TBKBP1: variants seen among roughly 807,000 people sequenced by gnomAD.
The protein encoded by TBKBP1 is TANK-binding kinase 1-binding protein 1.
A neutral mutation model predicts 69.9 loss-of-function variants in TBKBP1; 47 were observed. That is an observed-to-expected ratio of 0.67 (90% CI 0.53 to 0.86). The LOEUF (loss-of-function observed/expected upper bound fraction) is 0.86. Among genes scored for constraint, TBKBP1 ranks in the 40% least tolerant of loss-of-function variants. The pLI, the probability that TBKBP1 is intolerant of heterozygous loss-of-function variation, is 0.00. For synonymous variants in TBKBP1, 418 were observed against 390.3 expected, an observed-to-expected ratio of 1.07 and a Z score of -0.84; for missense variants, 831 against 858.6, an observed-to-expected ratio of 0.97 and a Z score of 0.40.
intron 4 of TBKBP1, 149 bp downstream of exon 4, chr17:47,697,342 A>C: frequency 1.4e-6 from 1 of 714,036 alleles, no homozygotes. Flanking sequence ...GCTTGTGTTC[A>C]TGTGTATCTG....
Position 47,708,288 on chromosome 17 carries a change from G to T in TBKBP1, c.873-106G>T. The T allele has an allele frequency of 1.7e-6, 2 of 1,196,918 alleles. No individual in the cohort carries two copies. Among genetic ancestry groups the T allele is most frequent in the East Asian group, 2.5e-5 (1 of 39,944 alleles). 74.1% of individuals were successfully genotyped at this position (1,196,918 alleles called of 1,614,324 possible). A position where few individuals can be genotyped will look rare whatever the true frequency, so the allele number is the denominator to read the frequency against. On this transcript the variant is annotated intron_variant, in intron 7 of 9. Transcript: ENST00000578982. The surrounding 1 kb of genome is among the most constrained non-coding windows in gnomAD (Gnocchi z 4.4). ...GGGTAGGAGGGCCCTGCGGGTGGGA[G>T]GGAGCATGGTGGGGCCAGATGCTGG...
intron 1 of TBKBP1, chr17:47,695,411 G>A (rs2031183497): frequency 6.6e-6 from 1 of 152,364 alleles, no homozygotes; most frequent in Non-Finnish European, 1.5e-5. Flanking sequence ...TTCCACCTGG[G>A]TCCCCTTCCC....
chr17:47,696,028 G>A, intron 1 of TBKBP1, 51 bp from the exon 2 acceptor site: 2 of 1,109,976 alleles, frequency 1.8e-6, no homozygotes, highest in Non-Finnish European at 2.5e-6. Flanking sequence ...GGGGTACCAG[G>A]GACAAACCCT....
At chr17:47,699,884 G>A (rs568534177) in intron 7 of TBKBP1, among the ~76,000 whole-genome samples, 187 bp downstream of exon 7, 2 of 150,640 alleles carry the variant, frequency 1.3e-5, no homozygotes, top group South Asian at 2.1e-4. Flanking sequence ...GTGCAATGGC[G>A]TGATCTTGGC....
rs1000889667 is a variant in TBKBP1, at chr17:47,711,932, C to G, written c.*1306C>G. The G allele has an allele frequency of 6.6e-6, 1 of 152,602 alleles. No homozygotes were observed. Among genetic ancestry groups the G allele is most frequent in the African/African-American group, 2.4e-5 (1 of 41,414 alleles). The allele number at this position is 152,602 out of a possible 1,614,324, so 9.5% of individuals were successfully genotyped here. A position where few individuals can be genotyped will look rare whatever the true frequency, so the allele number is the denominator to read the frequency against. On this transcript the variant is annotated 3_prime_UTR_variant, in exon 10 of 10. Coordinates refer to ENST00000578982, the MANE Select transcript of TBKBP1 (RefSeq NM_001394755.1). ...TCAGGCGGGGAAGGGGCCAAGGACA[C>G]GTCATTGTACCCTGAGCGTCCCCAG...
chr17:47,708,939 G>A lies in TBKBP1; in HGVS notation c.1206G>A (p.Val402=). 2.4e-6 allele frequency: 3 copies of A among 1,257,216 alleles called. No individual in the cohort carries two copies. Among genetic ancestry groups the A allele is most frequent in the South Asian group, 3.5e-5 (2 of 57,634 alleles). 77.9% of individuals were successfully genotyped at this position (1,257,216 alleles called of 1,614,324 possible). The change falls in exon 9 of 10, where the codon GTG becomes GTA. Residue 402 remains valine (V), a synonymous_variant. Coordinates refer to ENST00000578982, the MANE Select transcript of TBKBP1 (RefSeq NM_001394755.1). The surrounding 1 kb of genome is among the most constrained non-coding windows in gnomAD (Gnocchi z 4.4). ...PSPVPQRRSP[V]PPSCQSPSPQ... is the part of the protein sequence containing the mutation. ...CCGTCCCGCAGCGCCGCTCGCCGGT[G>A]CCGCCGTCGTGCCAGTCCCCCAGCC...
chr17:47,703,973 C>A (rs2031612701), intron 7 of TBKBP1, among the ~76,000 whole-genome samples: 3 of 152,160 alleles, frequency 2.0e-5, no homozygotes, highest in African/African-American at 7.2e-5. Context: ...GGTTCAGGTT[C>A]TTCTTCAGGT....
chr17:47,710,393 A>C, intron 9 of TBKBP1, 105 bp from the exon 10 acceptor site: 5 of 1,477,730 alleles, frequency 3.4e-6, no homozygotes, highest in Non-Finnish European at 4.6e-6. Flanking sequence ...CCCCTCCTGC[A>C]TGCCACAGCC....
At chr17:47,706,366 A>G (rs117552358) in intron 7 of TBKBP1, among the ~76,000 whole-genome samples, 6,820 of 152,272 alleles carry the variant, frequency 0.045, 224 homozygotes, top group Middle Eastern at 0.16. Context: ...GGAGTCCCCA[A>G]TTTGACGTGG....
chr17:47,696,458 G>C lies in TBKBP1; in HGVS notation c.225+121G>C, dbSNP rs553365938. Reference sequence around the variant, plus strand: ...CTGTGCAGACTCTTGGGAACTTGAGGGTCTCCCATGAGAGACGTGGCTGTT... The same window carrying C: ...CTGTGCAGACTCTTGGGAACTTGAGCGTCTCCCATGAGAGACGTGGCTGTT... On this transcript the variant is annotated intron_variant, in intron 2 of 9. Coordinates refer to ENST00000578982, the MANE Select transcript of TBKBP1 (RefSeq NM_001394755.1). The C allele has an allele frequency of 1.3e-5, 16 of 1,238,394 alleles. No individual in the cohort carries two copies. In the South Asian group the frequency reaches 2.3e-4, roughly 18 times the overall value. The allele number at this position is 1,238,394 out of a possible 1,614,324, so 76.7% of individuals were successfully genotyped here. A position where few individuals can be genotyped will look rare whatever the true frequency, so the allele number is the denominator to read the frequency against.
In TBKBP1 at chr17:47,710,847, G is replaced by T. The variant is rs1456160137; in HGVS notation, c.*221G>T. On this transcript the variant is annotated 3_prime_UTR_variant, in exon 10 of 10. Transcript: ENST00000578982. ...AGCCGAGGCTCCCCCCATGCTCCTGGTTTCTGCTTAGGAGGTGGGGACTTG... is the reference window on the plus strand; with the variant it reads ...AGCCGAGGCTCCCCCCATGCTCCTGTTTTCTGCTTAGGAGGTGGGGACTTG... 8.9e-6 allele frequency: 5 copies of T among 559,314 alleles called. No individual in the cohort carries two copies. The Admixed American group carries it at 1.7e-4, about 20-fold the overall frequency. 34.6% of individuals were successfully genotyped at this position (559,314 alleles called of 1,614,324 possible).
intron 7 of TBKBP1, among the ~76,000 whole-genome samples, chr17:47,700,429 G>A (rs2031457302): frequency 6.6e-6 from 1 of 150,952 alleles, no homozygotes; most frequent in South Asian, 2.1e-4. Flanking sequence ...TTTCCTCTGG[G>A]GCCCAAACCC....
intron 7 of TBKBP1, among the ~76,000 whole-genome samples, chr17:47,707,400 C>A (rs1427138106): frequency 6.6e-6 from 1 of 152,098 alleles, no homozygotes; most frequent in Non-Finnish European, 1.5e-5. Context: ...GCCCAAGATG[C>A]CTGAACAGGA....
chr17:47,703,448 T>G (rs1463472966), intron 7 of TBKBP1, among the ~76,000 whole-genome samples: 1 of 152,144 alleles, frequency 6.6e-6, no homozygotes, highest in East Asian at 1.9e-4. Context: ...CTTTCAAGTC[T>G]CCTTCGGCCA....
intron 7 of TBKBP1, among the ~76,000 whole-genome samples, chr17:47,700,847 C>T (rs1418494610): frequency 6.6e-6 from 1 of 152,102 alleles, no homozygotes; most frequent in Non-Finnish European, 1.5e-5. Flanking sequence ...CACTGGACAG[C>T]AAGGGAGGGG....
At position 47,708,839 on chromosome 17, in the gene TBKBP1, A is replaced by G; in HGVS notation, c.1106A>G (p.Gln369Arg). 1 of 819,384 alleles carries G rather than the reference A, an allele frequency of 1.2e-6. No individual in the cohort carries two copies. Among genetic ancestry groups the G allele is most frequent in the South Asian group, 1.7e-5 (1 of 57,830 alleles). The allele number at this position is 819,384 out of a possible 1,614,324, so 50.8% of individuals were successfully genotyped here. The change falls in exon 9 of 10, where the codon CAG becomes CGG. Residue 369 changes from glutamine (Q) to arginine (R), a missense_variant. Transcript: ENST00000578982. The surrounding 1 kb of genome is among the most constrained non-coding windows in gnomAD (Gnocchi z 4.4). Reference sequence around the variant, plus strand: ...CCCCCGTGCCAGTCCCCCGTCCCCCAGCGCCGCTCTCCCGTGCCCCCGTGC... The same window carrying G: ...CCCCCGTGCCAGTCCCCCGTCCCCCGGCGCCGCTCTCCCGTGCCCCCGTGC... ...PCPPCQSPVP[Q>R]RRSPVPPCPS... is the part of the protein sequence containing the mutation.
intron 7 of TBKBP1, among the ~76,000 whole-genome samples, chr17:47,703,122 G>T (rs769545982): frequency 6.6e-6 from 1 of 152,058 alleles, no homozygotes; most frequent in Non-Finnish European, 1.5e-5. Flanking sequence ...CAGTATGGGC[G>T]ATGAGGAAAA....
rs576870647 is a variant in TBKBP1, at chr17:47,695,745, G to A, written c.-34-334G>A. The A allele has an allele frequency of 6.4e-5, 13 of 203,038 alleles. No individual in the cohort carries two copies. The South Asian group carries it at 1.0e-3, about 16-fold the overall frequency. The allele number at this position is 203,038 out of a possible 1,614,324, so 12.6% of individuals were successfully genotyped here. On this transcript the variant is annotated intron_variant, in intron 1 of 9. Coordinates refer to ENST00000578982, the MANE Select transcript of TBKBP1 (RefSeq NM_001394755.1). ...GTGGAGAAGCGCGGAGGAATGGGCCGGGCCCGGCTGGGAAGGCAGCCCTCT... is the reference window on the plus strand; with the variant it reads ...GTGGAGAAGCGCGGAGGAATGGGCCAGGCCCGGCTGGGAAGGCAGCCCTCT...
Position 47,708,744 on chromosome 17 carries a change from G to A in TBKBP1, c.1011G>A (p.Leu337=), listed in dbSNP as rs1050036573. Residue 337 remains leucine, a synonymous_variant, in exon 9 of 10, where the codon CTG becomes CTA. Coordinates refer to ENST00000578982, the MANE Select transcript of TBKBP1 (RefSeq NM_001394755.1). This position sits in a 1 kb window ranked among gnomAD's most constrained non-coding sequence, Gnocchi z 4.4. ...ARSGGQRHSP[L]SQRHSPAPQC... Reference sequence around the variant, plus strand: ...TTCCAGGCCAGAGGCACTCGCCGCTGTCACAACGCCACTCCCCGGCCCCCC... The same window carrying A: ...TTCCAGGCCAGAGGCACTCGCCGCTATCACAACGCCACTCCCCGGCCCCCC... 35 of 1,486,108 alleles carry A rather than the reference G, an allele frequency of 2.4e-5. No individual in the cohort carries two copies. The highest frequency in any genetic ancestry group is 1.7e-4 in the Middle Eastern group (1 of 5,720). 92.1% of individuals were successfully genotyped at this position (1,486,108 alleles called of 1,614,324 possible). A position where few individuals can be genotyped will look rare whatever the true frequency, so the allele number is the denominator to read the frequency against.
Sources: allele counts gnomAD v4.1 joint callset (sites outside exome capture counted in the v4.1 genomes callset), GRCh38; gene constraint gnomAD v4.1.1; non-coding constraint Gnocchi (gnomAD v3.1); transcripts MANE v1.5; gene names NCBI Gene and HGNC (gene_info 2026-07-23, HGNC 2026-07-21).